KIF3A: variants seen among roughly 807,000 people sequenced by gnomAD.
The protein encoded by KIF3A is kinesin-like protein KIF3A.
Under a neutral mutation model 92.6 loss-of-function variants are expected in KIF3A, and 27 were observed. The ratio of observed to expected loss-of-function variants is 0.29; its 90% CI spans 0.21 to 0.40. The LOEUF (loss-of-function observed/expected upper bound fraction) is 0.40, where lower values mean the gene tolerates loss of function less well. Among genes scored for constraint, KIF3A ranks in the 10% least tolerant of loss-of-function variants. The pLI is 1.00. For synonymous variants in KIF3A, 250 were observed against 275.4 expected (o/e 0.91, Z 0.92); for missense variants, 581 against 872.6 (o/e 0.67, Z 4.21).
rs1230794698 is a variant in KIF3A at position 132,734,492 on chromosome 5, T to C, written c.7-14A>G. On this transcript the variant is annotated splice_polypyrimidine_tract_variant and intron_variant, in intron 1 of 18. Transcript: ENST00000403231. The stretch of plus-strand genomic sequence containing the variant: ...TGATTTATTGATCTGTTGGAGATAA[T>C]ATTTACAAATAATGAAAAGAACATT... 6.3e-7 allele frequency: 1 copy of C among 1,576,502 alleles called. No individual in the cohort carries two copies. Among genetic ancestry groups the C allele is most frequent in the Admixed American group, 2.0e-5 (1 of 50,352 alleles).
chr5:132,717,489 T>C (rs569501121), intron 5 of KIF3A, among the ~76,000 whole-genome samples: 79 of 152,174 alleles, frequency 5.2e-4, no homozygotes, highest in African/African-American at 1.5e-3. Flanking sequence ...CAGGAATACT[T>C]GCACACATAT....
intron 5 of KIF3A, among the ~76,000 whole-genome samples, chr5:132,717,186 T>C (rs947544938): frequency 2.0e-5 from 3 of 152,154 alleles, no homozygotes; most frequent in African/African-American, 7.2e-5. Flanking sequence ...TTGTAAGGTT[T>C]CTCATATTAA....
chr5:132,691,057 C>T (rs1047388802), downstream of KIF3A, among the ~76,000 whole-genome samples: 1 of 152,182 alleles, frequency 6.6e-6, no homozygotes, highest in Admixed American at 6.5e-5. Context: ...GTCAAAAGAA[C>T]ATGATTAACA....
In KIF3A at chr5:132,734,214, C is replaced by T. The variant is rs1408415268; in HGVS notation, c.271G>A (p.Gly91Ser). The change falls in exon 2 of 19, where the codon GGC (glycine) becomes AGC (serine). Residue 91 changes from glycine (G) to serine (S), a missense_variant. Transcript: ENST00000403231. ...ARPIIDSVLEGYNGTIFAYGQ... is the reference protein window; with the variant it reads ...ARPIIDSVLESYNGTIFAYGQ... Reference sequence around the variant, plus strand: ...GTAAAGATTCACTTACCATTGTAGCCTTCAAGTACAGAATCAATAATAGGT... The same window carrying T: ...GTAAAGATTCACTTACCATTGTAGCTTTCAAGTACAGAATCAATAATAGGT... 1.2e-6 allele frequency: 2 copies of T among 1,611,636 alleles called. No homozygotes were observed. The highest frequency in any genetic ancestry group is 2.2e-5 in the East Asian group (1 of 44,864).
rs1421861251 is a variant in KIF3A at position 132,695,627 on chromosome 5, A to G, written c.*1007T>C. On this transcript the variant is annotated 3_prime_UTR_variant, in exon 19 of 19. Coordinates refer to ENST00000403231, the MANE Select transcript of KIF3A (RefSeq NM_001300791.2). Reference sequence around the variant, plus strand: ...GTCTAACTGGATTACCCAATAGAAGAAATTCAGAAAATAATATTTTATTTT... The same window carrying G: ...GTCTAACTGGATTACCCAATAGAAGGAATTCAGAAAATAATATTTTATTTT... 6.6e-6 allele frequency: 1 copy of G among 151,612 alleles called. No individual in the cohort carries two copies. Among genetic ancestry groups the G allele is most frequent in the African/African-American group, 2.4e-5 (1 of 41,206 alleles). The allele number at this position is 151,612 out of a possible 1,614,324, so 9.4% of individuals were successfully genotyped here.
intron 10 of KIF3A, 44 bp from the exon 11 acceptor site, chr5:132,706,503 A>G: frequency 6.6e-7 from 1 of 1,514,038 alleles, no homozygotes; most frequent in Non-Finnish European, 8.9e-7. Context: ...AGGAAGCAAT[A>G]CGCACAGAGA....
At chr5:132,734,141 G>T in intron 2 of KIF3A, 64 bp downstream of exon 2, 1 of 1,291,568 alleles carries the variant, frequency 7.7e-7, no homozygotes. Context: ...TGCAATATGT[G>T]AATTTATGGC....
downstream of KIF3A, among the ~76,000 whole-genome samples, chr5:132,690,596 C>T (rs946963252): frequency 3.9e-5 from 6 of 152,198 alleles, no homozygotes; most frequent in African/African-American, 9.6e-5. Flanking sequence ...CAAAACATCA[C>T]GATATATCTC....
At chr5:132,737,380 G>C in intron 1 of KIF3A, 34 bp downstream of exon 1, 3 of 1,603,494 alleles carry the variant, frequency 1.9e-6, no homozygotes, top group African/African-American at 2.7e-5. Flanking sequence ...GCTAGGATGA[G>C]AAGAAACCCC....
intron 2 of KIF3A, among the ~76,000 whole-genome samples, chr5:132,730,687 CAG>C (rs1300567552): frequency 6.6e-6 from 1 of 151,712 alleles, no homozygotes; most frequent in Non-Finnish European, 1.5e-5. Context: ...CCCACCTACT[CAG>C]GGGGCTGAAG....
At position 132,700,431 on chromosome 5, in the gene KIF3A, T is replaced by G. The variant is rs538009731; in HGVS notation, c.1939-147A>C. 5 of 659,190 alleles carry G rather than the reference T, an allele frequency of 7.6e-6. No individual in the cohort carries two copies. The East Asian group carries it at 1.3e-4, about 18-fold the overall frequency. 40.8% of individuals were successfully genotyped at this position (659,190 alleles called of 1,614,324 possible). On this transcript the variant is annotated intron_variant, in intron 16 of 18. Transcript: ENST00000403231. ...AGAAAGGGCCCCAGAGGTCACTTAG[T>G]CCCACATAGCCCCTAACTCTGACCA...
rs1300721468 is a variant in KIF3A at position 132,692,893 on chromosome 5, AG to A, written c.*3740del. 6.6e-6 allele frequency: 1 copy of A among 152,664 alleles called. No homozygotes were observed. Among genetic ancestry groups the A allele is most frequent in the African/African-American group, 2.4e-5 (1 of 41,468 alleles). The allele number at this position is 152,664 out of a possible 1,614,324, so 9.5% of individuals were successfully genotyped here. On this transcript the variant is annotated 3_prime_UTR_variant, in exon 19 of 19. Transcript: ENST00000403231. ...TCTATGTTTTCTTCTAGTATTTTTA[AG>A]AACAAAAAATAATTTAAAATAAAAC...
At chr5:132,729,329 G>A (rs909744148) in intron 2 of KIF3A, among the ~76,000 whole-genome samples, 1 of 152,104 alleles carries the variant, frequency 6.6e-6, no homozygotes, top group Non-Finnish European at 1.5e-5. Context: ...GGATGCTCCT[G>A]TAGTCTCAGC....
chr5:132,710,589 C>G, intron 9 of KIF3A, among the ~76,000 whole-genome samples: 1 of 152,176 alleles, frequency 6.6e-6, no homozygotes, highest in Non-Finnish European at 1.5e-5. Flanking sequence ...GCACTCCAGC[C>G]TGGGCGACAG....
At chr5:132,725,708 A>G (rs1260691173) in intron 4 of KIF3A, among the ~76,000 whole-genome samples, 1 of 152,206 alleles carries the variant, frequency 6.6e-6, no homozygotes, top group Admixed American at 6.5e-5. Context: ...CTGAATGCCT[A>G]TATCACATTG....
intron 1 of KIF3A, among the ~76,000 whole-genome samples, chr5:132,734,978 G>C (rs1002481493): frequency 6.6e-6 from 1 of 152,006 alleles, no homozygotes; most frequent in Non-Finnish European, 1.5e-5. Flanking sequence ...ACAATAATAA[G>C]ATAAAGACAG....
intron 2 of KIF3A, among the ~76,000 whole-genome samples, chr5:132,730,904 G>A (rs1190967168): frequency 2.0e-5 from 3 of 152,162 alleles, no homozygotes; most frequent in Non-Finnish European, 2.9e-5. Context: ...CCAGGAAGTC[G>A]AGGCTGCAGT....
At position 132,727,810 on chromosome 5, in the gene KIF3A, G is replaced by C. The variant is rs184599311; in HGVS notation, c.281-1312C>G. 9.3e-4 allele frequency among the ~76,000 whole-genome samples: 142 copies of C among 152,284 alleles called. 1 individual carries two copies. Among genetic ancestry groups the C allele is most frequent in the African/African-American group, 3.1e-3 (129 of 41,554 alleles). On this transcript the variant is annotated intron_variant, in intron 2 of 18. Transcript: ENST00000403231. Reference sequence around the variant, plus strand: ...CTGGAGTAGTTGGTCAGGACACAGTGTAGTAAGAAAAGATAGCCTTGGATG... The same window carrying C: ...CTGGAGTAGTTGGTCAGGACACAGTCTAGTAAGAAAAGATAGCCTTGGATG...
chr5:132,717,740 AGTTT>A (rs1753680225), intron 5 of KIF3A, among the ~76,000 whole-genome samples: 1 of 152,016 alleles, frequency 6.6e-6, no homozygotes. Context: ...GACCTGTATT[AGTTT>A]TTTTCTTAAA....
Sources: gnomAD v4.1 joint callset for allele counts (sites outside exome capture counted in the v4.1 genomes callset) on GRCh38, gnomAD v4.1.1 for gene constraint, MANE v1.5 for transcripts, NCBI Gene and HGNC (gene_info 2026-07-23, HGNC 2026-07-21) for gene names.